The following LYPD6 variants were observed in gnomAD, a reference collection of about 807,000 sequenced individuals.
LYPD6 encodes the protein ly6/PLAUR domain-containing protein 6.
Under a neutral mutation model 22.7 loss-of-function variants are expected in LYPD6, and 15 were observed. The ratio of observed to expected loss-of-function variants is 0.66; its 90% CI spans 0.44 to 1.02. LYPD6 has a LOEUF of 1.02. Ranked by LOEUF, LYPD6 falls within the 50% of genes least tolerant of loss-of-function variation. The pLI, the probability that LYPD6 is intolerant of heterozygous loss-of-function variation, is 0.00. For synonymous variants in LYPD6, 72 were observed against 77.5 expected (o/e 0.93, Z 0.37); for missense variants, 189 against 208.4 (o/e 0.91, Z 0.57).
chr2:149,340,140 T>C, intron 1 of LYPD6, among the ~76,000 whole-genome samples: 1 of 152,202 alleles, frequency 6.6e-6, no homozygotes, highest in Non-Finnish European at 1.5e-5. Context: ...TAGTGTGTTT[T>C]TGTAGTAGGA....
At chr2:149,480,843 A>G in the LYPD6 span, among the ~76,000 whole-genome samples, 1 of 152,154 alleles carries the variant, frequency 6.6e-6, no homozygotes, top group East Asian at 1.9e-4. Context: ...CCCTACATGC[A>G]GTCATGGAGC....
chr2:149,335,186 A>G (rs975261984), intron 1 of LYPD6, among the ~76,000 whole-genome samples: 1 of 151,876 alleles, frequency 6.6e-6, no homozygotes, highest in African/African-American at 2.4e-5. Context: ...GTCCTTCAGG[A>G]GGTATTCCAG....
At chr2:149,415,802 G>T (rs1682949438) in intron 1 of LYPD6, among the ~76,000 whole-genome samples, 1 of 152,034 alleles carries the variant, frequency 6.6e-6, no homozygotes, top group Non-Finnish European at 1.5e-5. Context: ...GAGAAGCTGG[G>T]ACTACAGGCG....
At chr2:149,357,508 A>G (rs1397674671) in intron 1 of LYPD6, among the ~76,000 whole-genome samples, 2 of 152,194 alleles carry the variant, frequency 1.3e-5, no homozygotes, top group Admixed American at 1.3e-4. Context: ...TGATATGGCC[A>G]TAAATATATC....
chr2:149,353,841 C>G (rs192402509), intron 1 of LYPD6, among the ~76,000 whole-genome samples: 71 of 151,854 alleles, frequency 4.7e-4, no homozygotes, highest in African/African-American at 1.6e-3. Context: ...TAAATTAAAT[C>G]AAATCTTTCT....
At chr2:149,335,331 G>A (rs892229488) in intron 1 of LYPD6, among the ~76,000 whole-genome samples, 5 of 152,102 alleles carry the variant, frequency 3.3e-5, no homozygotes, top group African/African-American at 9.7e-5. Context: ...CCAGCCTAAT[G>A]TGTGTGCTTA....
At chr2:149,422,372 G>A (rs369305114) in intron 1 of LYPD6, among the ~76,000 whole-genome samples, 1 of 152,052 alleles carries the variant, frequency 6.6e-6, no homozygotes, top group African/African-American at 2.4e-5. Flanking sequence ...CACTGCTTTC[G>A]ATGCATTACA....
chr2:149,345,923 C>G (rs995844707), intron 1 of LYPD6, among the ~76,000 whole-genome samples: 1 of 152,062 alleles, frequency 6.6e-6, no homozygotes, highest in African/African-American at 2.4e-5. Flanking sequence ...GCACCGTGCT[C>G]CAGTTTTTGA....
intron 1 of LYPD6, among the ~76,000 whole-genome samples, chr2:149,360,896 T>G (rs911605100): frequency 2.0e-5 from 3 of 152,172 alleles, no homozygotes. Context: ...ATGTTCCTAA[T>G]TTTTCAATGT....
chr2:149,331,680 T>C (rs1680942137), intron 1 of LYPD6, among the ~76,000 whole-genome samples: 1 of 152,122 alleles, frequency 6.6e-6, no homozygotes, highest in South Asian at 2.1e-4. Context: ...TGGTAGTCAC[T>C]TGTTGGAAGA....
chr2:149,423,874 T>C (rs1683134964), intron 1 of LYPD6, among the ~76,000 whole-genome samples: 1 of 152,150 alleles, frequency 6.6e-6, no homozygotes, highest in African/African-American at 2.4e-5. Flanking sequence ...GCCTTTAATA[T>C]GCTTATGTGT....
Position 149,449,146 on chromosome 2 carries a change from AG to A in LYPD6, c.217+1del, listed in dbSNP as rs1375523659. On this transcript the variant is annotated frameshift_variant and splice_region_variant, in exon 3 of 5. Transcript: ENST00000334166. LOFTEE classifies it high-confidence loss of function. ...GGGCTCCAGACATCTACTGCCCTCG[AG>A]GTAAACTCTCAGTAGACTGATTGGG... ...RWAPDIYCPR[E>X]TRYCYTQHTM... The A allele has an allele frequency of 6.2e-7, 1 of 1,609,184 alleles. No individual in the cohort carries two copies. Among genetic ancestry groups the A allele is most frequent in the Non-Finnish European group, 8.5e-7 (1 of 1,176,866 alleles).
chr2:149,443,194 T>G (rs542534254), intron 2 of LYPD6, among the ~76,000 whole-genome samples: 3 of 152,344 alleles, frequency 2.0e-5, no homozygotes, highest in African/African-American at 7.2e-5. Context: ...GTAATTCAAA[T>G]TTGTGAACAC....
At chr2:149,413,891 C>G (rs1009887415) in intron 1 of LYPD6, among the ~76,000 whole-genome samples, 1 of 152,168 alleles carries the variant, frequency 6.6e-6, no homozygotes, top group African/African-American at 2.4e-5. Flanking sequence ...GCATTCTGCA[C>G]CATACAGCGT....
chr2:149,350,356 GC>G (rs1472419988), intron 1 of LYPD6, among the ~76,000 whole-genome samples: 1 of 152,200 alleles, frequency 6.6e-6, no homozygotes, highest in Non-Finnish European at 1.5e-5. Flanking sequence ...CTTAAAGAAT[GC>G]CTTTAAAATA....
chr2:149,404,177 G>C (rs1051092548), intron 1 of LYPD6, among the ~76,000 whole-genome samples: 2 of 152,188 alleles, frequency 1.3e-5, no homozygotes, highest in African/African-American at 4.8e-5. Flanking sequence ...GATGCCTCCA[G>C]CTTTGTTCTT....
intron 1 of LYPD6, among the ~76,000 whole-genome samples, chr2:149,433,266 A>C (rs892010799): frequency 3.3e-5 from 5 of 152,196 alleles, no homozygotes; most frequent in African/African-American, 1.2e-4. Context: ...AGGCCTAATG[A>C]ATTCAGCTTG....
intron 3 of LYPD6, among the ~76,000 whole-genome samples, chr2:149,455,658 A>G (rs1184757787): frequency 2.0e-5 from 3 of 152,120 alleles, no homozygotes. Flanking sequence ...TTTTGTCCAA[A>G]TATGTTTTAC....
At chr2:149,433,874 A>C (rs941136291) in intron 1 of LYPD6, among the ~76,000 whole-genome samples, 1 of 152,272 alleles carries the variant, frequency 6.6e-6, no homozygotes, top group South Asian at 2.1e-4. Context: ...GCTTTTTGGT[A>C]TTGTCCTTTA....
Sources: allele counts gnomAD v4.1 joint callset (sites outside exome capture counted in the v4.1 genomes callset), GRCh38; gene constraint gnomAD v4.1.1; transcripts MANE v1.5; gene names NCBI Gene and HGNC (gene_info 2026-07-23, HGNC 2026-07-21).